The following CFAP20DC variants were observed in gnomAD, a reference collection of about 807,000 sequenced individuals.
The protein encoded by CFAP20DC is CFAP20 domain containing.
In CFAP20DC, 84 loss-of-function variants were observed where a neutral mutation model predicts 101.7. The observed-to-expected ratio is 0.83, with a 90% CI of 0.69 to 0.99. CFAP20DC has a LOEUF of 0.99. CFAP20DC is among the 50% of genes least tolerant of loss of function. The pLI is 0.00. For missense variants in CFAP20DC, 1,007 were observed against 970.3 expected, an observed-to-expected ratio of 1.04 and a Z score of -0.50; for synonymous variants, 359 against 351.2, an observed-to-expected ratio of 1.02 and a Z score of -0.25.
intron 4 of CFAP20DC, among the ~76,000 whole-genome samples, chr3:59,025,525 G>A (rs2093878063): frequency 6.6e-6 from 1 of 152,128 alleles, no homozygotes; most frequent in South Asian, 2.1e-4. Flanking sequence ...AATATACTGT[G>A]CACTTAGAAT....
At chr3:59,037,733 C>A (rs745314539) in intron 4 of CFAP20DC, among the ~76,000 whole-genome samples, 28 of 152,142 alleles carry the variant, frequency 1.8e-4, no homozygotes, top group Non-Finnish European at 3.2e-4. Flanking sequence ...CCTCAAGAAT[C>A]TAGAACCAGA....
chr3:58,768,120 T>C (rs1040629564), intron 15 of CFAP20DC, among the ~76,000 whole-genome samples: 1 of 152,180 alleles, frequency 6.6e-6, no homozygotes, highest in African/African-American at 2.4e-5. Context: ...AGCACATGGC[T>C]TTCTGGAGCA....
chr3:58,837,315 T>C (rs1308780275), intron 13 of CFAP20DC, among the ~76,000 whole-genome samples: 2 of 152,276 alleles, frequency 1.3e-5, no homozygotes, highest in African/African-American at 2.4e-5. Context: ...TAAAGGATGA[T>C]ATAATCACAC....
chr3:58,943,536 A>G (rs985512597), intron 4 of CFAP20DC, among the ~76,000 whole-genome samples: 3 of 152,196 alleles, frequency 2.0e-5, no homozygotes, highest in African/African-American at 7.2e-5. Flanking sequence ...ACATGAATGA[A>G]AAGGATGTCC....
chr3:58,805,382 T>C (rs1034272949), intron 15 of CFAP20DC, among the ~76,000 whole-genome samples: 7 of 152,222 alleles, frequency 4.6e-5, no homozygotes, highest in Non-Finnish European at 8.8e-5. Flanking sequence ...TCCTGAGGCC[T>C]GGCGGCCTTT....
At chr3:58,846,667 TA>T (rs567590823) in intron 13 of CFAP20DC, among the ~76,000 whole-genome samples, 2,247 of 151,918 alleles carry the variant, frequency 0.015, 42 homozygotes, top group African/African-American at 0.05. Context: ...AAAACCACTT[TA>T]AAGTTTATAT....
chr3:58,721,432 T>A lies in CFAP20DC; in HGVS notation c.198-3804A>T, dbSNP rs2067472032. Among the ~76,000 whole-genome samples the A allele has an allele frequency of 6.6e-6, 1 of 152,150 alleles. No homozygotes were observed. The highest frequency in any genetic ancestry group is 2.4e-5 in the African/African-American group (1 of 41,398). ...TAGGGTACCTAGTGCTATGAATATT[T>A]ATTCCAGGAGTCTGACCTAATGAAG... is the stretch of plus-strand genomic sequence containing the variant. On this transcript the variant is annotated intron_variant, in intron 3 of 3. Transcript: ENST00000486145. This position sits in a 1 kb window ranked among gnomAD's most constrained non-coding sequence, Gnocchi z 5.2.
In CFAP20DC at chr3:58,996,065, C is replaced by T. The variant is rs62252899; in HGVS notation, c.278+43492G>A. On this transcript the variant is annotated intron_variant, in intron 4 of 16. Transcript: ENST00000482387. ...TGGAGAGCCCAGATTAATATAATTA[C>T]TAATTTCATGTTAAATTGCTTTGGT... 2.6e-3 allele frequency among the ~76,000 whole-genome samples: 395 copies of T among 151,120 alleles called. 2 individuals are homozygous for T. Among genetic ancestry groups the T allele is most frequent in the Non-Finnish European group, 4.7e-3 (322 of 67,924 alleles).
At chr3:58,717,070 C>A (rs193256182), downstream of CFAP20DC, among the ~76,000 whole-genome samples, 1 of 152,034 alleles carries the variant, frequency 6.6e-6, no homozygotes, top group Non-Finnish European at 1.5e-5. The surrounding 1 kb of genome is among the most constrained non-coding windows in gnomAD (Gnocchi z 4.1). Flanking sequence ...CATGCAAATG[C>A]CTTATCAATC....
chr3:59,015,568 T>G lies in CFAP20DC; in HGVS notation c.278+23989A>C, dbSNP rs2093671594. ...AGAAGGAAAGAGGAAGGAGGAGGGT[T>G]GGAGGGTGGAGGAGGAAGAAGGGCT... On this transcript the variant is annotated intron_variant, in intron 4 of 16. Transcript: ENST00000482387. The surrounding 1 kb of genome is among the most constrained non-coding windows in gnomAD (Gnocchi z 5.4). Among the ~76,000 whole-genome samples, 1 of 148,512 alleles carries G rather than the reference T, an allele frequency of 6.7e-6. No homozygotes were observed. Among genetic ancestry groups the G allele is most frequent in the African/African-American group, 2.5e-5 (1 of 40,726 alleles).
In CFAP20DC at chr3:58,732,068, A is replaced by C. The variant is rs1489640238; in HGVS notation, c.198-14440T>G. On this transcript the variant is annotated intron_variant, in intron 3 of 3. Transcript: ENST00000486145. The surrounding 1 kb of genome is among the most constrained non-coding windows in gnomAD (Gnocchi z 5.4). ...AGTTCAGTGCGATGCTTGGGAGTGC[A>C]GTGAGAGCTCAATAAATGGTTGTGC... 6.6e-6 allele frequency among the ~76,000 whole-genome samples: 1 copy of C among 152,228 alleles called. No individual in the cohort carries two copies. The highest frequency in any genetic ancestry group is 1.9e-4 in the East Asian group (1 of 5,202).
At chr3:58,994,318 C>T (rs2093040435) in intron 4 of CFAP20DC, among the ~76,000 whole-genome samples, 1 of 152,156 alleles carries the variant, frequency 6.6e-6, no homozygotes, top group Non-Finnish European at 1.5e-5. Context: ...CTGCCTGCTT[C>T]TGAGATTCAT....
intron 15 of CFAP20DC, among the ~76,000 whole-genome samples, chr3:58,797,634 A>G (rs2073355882): frequency 6.6e-6 from 1 of 152,206 alleles, no homozygotes; most frequent in Non-Finnish European, 1.5e-5. Flanking sequence ...ACTACATTAA[A>G]TAATAGGTTT....
At chr3:58,776,501 G>T (rs2071352430) in intron 15 of CFAP20DC, among the ~76,000 whole-genome samples, 1 of 151,750 alleles carries the variant, frequency 6.6e-6, no homozygotes. Flanking sequence ...CCATTTATTT[G>T]CCTTCCTACA....
At chr3:59,018,281 A>G (rs1014343114) in intron 4 of CFAP20DC, 1 of 152,270 alleles carries the variant, frequency 6.6e-6, no homozygotes, top group Non-Finnish European at 1.5e-5. Flanking sequence ...TAACCATTAC[A>G]GTAATAATTA....
At chr3:58,925,775 C>T (rs1001674628) in intron 5 of CFAP20DC, among the ~76,000 whole-genome samples, 26 of 152,252 alleles carry the variant, frequency 1.7e-4, no homozygotes, top group Admixed American at 9.2e-4. Context: ...CTGATTTGCT[C>T]AAGGGCCTAT....
chr3:58,825,876 T>A (rs960756937), intron 14 of CFAP20DC, among the ~76,000 whole-genome samples: 1 of 152,244 alleles, frequency 6.6e-6, no homozygotes, highest in Non-Finnish European at 1.5e-5. Flanking sequence ...GCCAATTTGC[T>A]ATGAGGAATG....
intron 4 of CFAP20DC, among the ~76,000 whole-genome samples, chr3:58,993,662 A>G (rs1331267575): frequency 6.6e-6 from 1 of 151,766 alleles, no homozygotes; most frequent in Non-Finnish European, 1.5e-5. Flanking sequence ...TTCAGCTCCC[A>G]CTTATAAGTG....
intron 4 of CFAP20DC, among the ~76,000 whole-genome samples, chr3:58,952,594 C>G (rs1172069620): frequency 6.6e-6 from 1 of 152,088 alleles, no homozygotes; most frequent in Non-Finnish European, 1.5e-5. Context: ...GTAATCCTCT[C>G]TCTATCAATG....
Sources: gnomAD v4.1 joint callset for allele counts (sites outside exome capture counted in the v4.1 genomes callset) on GRCh38, gnomAD v4.1.1 for gene constraint, Gnocchi (gnomAD v3.1) non-coding constraint, MANE v1.5 for transcripts, NCBI Gene and HGNC (gene_info 2026-07-23, HGNC 2026-07-21) for gene names.